Variants in LGR6 observed in about 807,000 individuals in gnomAD.
LGR6 encodes the protein leucine-rich repeat-containing G protein-coupled receptor 6.
In LGR6, 45 loss-of-function variants were observed where a neutral mutation model predicts 69.4. The ratio of observed to expected loss-of-function variants is 0.65; its 90% CI spans 0.51 to 0.83. LGR6 has a LOEUF of 0.83. LGR6 is among the 40% of genes least tolerant of loss of function. The pLI is 0.00. For missense variants in LGR6, 1,108 were observed against 1,246.7 expected, an observed-to-expected ratio of 0.89 and a Z score of 1.68; for synonymous variants, 538 against 555.0, an observed-to-expected ratio of 0.97 and a Z score of 0.43.
intron 1 of LGR6, among the ~76,000 whole-genome samples, chr1:202,197,746 T>C (rs1276753921): frequency 6.6e-6 from 1 of 152,206 alleles, no homozygotes; most frequent in Non-Finnish European, 1.5e-5. Context: ...TCTTGTTCTA[T>C]TCCATTGCAT....
At chr1:202,204,985 C>T (rs1427367499) in intron 1 of LGR6, among the ~76,000 whole-genome samples, 2 of 20,224 alleles carry the variant, frequency 9.9e-5, no homozygotes, top group African/African-American at 1.8e-4. Flanking sequence ...TAACACACCT[C>T]CTTCAAACAC....
rs1273368665 is a variant in LGR6 at position 202,268,702 on chromosome 1, G to A, written c.429-7604G>A. Among the ~76,000 whole-genome samples, 1 of 152,152 alleles carries A rather than the reference G, an allele frequency of 6.6e-6. No homozygotes were observed. Among genetic ancestry groups the A allele is most frequent in the Non-Finnish European group, 1.5e-5 (1 of 68,020 alleles). Reference sequence around the variant, plus strand: ...CAAATGAACTGTCTTTGTCCTCAAGGTATCTCACCTCCCAGCCTCTTTCTT... The same window carrying A: ...CAAATGAACTGTCTTTGTCCTCAAGATATCTCACCTCCCAGCCTCTTTCTT... On this transcript the variant is annotated intron_variant, in intron 4 of 17. Transcript: ENST00000367278. The surrounding 1 kb of genome is among the most constrained non-coding windows in gnomAD (Gnocchi z 4.4).
intron 3 of LGR6, among the ~76,000 whole-genome samples, chr1:202,229,839 T>C (rs1208743203): frequency 6.6e-6 from 1 of 152,196 alleles, no homozygotes; most frequent in Non-Finnish European, 1.5e-5. Flanking sequence ...AGAACTTCTC[T>C]ACCTTAGGGA....
At chr1:202,278,582 G>C (rs1010533902) in intron 5 of LGR6, among the ~76,000 whole-genome samples, 1 of 152,128 alleles carries the variant, frequency 6.6e-6, no homozygotes. Flanking sequence ...TCATGGGATG[G>C]AGGAGAGAGG....
intron 4 of LGR6, among the ~76,000 whole-genome samples, chr1:202,270,215 A>G (rs1344044581): frequency 1.3e-5 from 2 of 151,416 alleles, no homozygotes; most frequent in South Asian, 2.1e-4. Context: ...AGAAGCTCTG[A>G]GTTGTTTTGT....
chr1:202,295,502 C>G (rs1667089178), intron 6 of LGR6, among the ~76,000 whole-genome samples: 2 of 152,086 alleles, frequency 1.3e-5, no homozygotes, highest in African/African-American at 4.8e-5. Flanking sequence ...CAATTTAAGA[C>G]CAAAAAGAGA....
chr1:202,237,313 A>G (rs1445915855), intron 4 of LGR6, among the ~76,000 whole-genome samples: 2 of 152,260 alleles, frequency 1.3e-5, no homozygotes, highest in African/African-American at 4.8e-5. Context: ...ACCAGAGGCC[A>G]GGCAAGCCTG....
rs1002399662 is a variant in LGR6 at position 202,297,686 on chromosome 1, A to G, written c.785+110A>G. On this transcript the variant is annotated intron_variant, in intron 7 of 17. Coordinates refer to ENST00000367278, the MANE Select transcript of LGR6 (RefSeq NM_001017403.2). ...CCTCCTCACCTCCCATGGTCCTTAT[A>G]AAAGATGTAGCTGTCCCCCACCCTC... 14 of 843,392 alleles carry G rather than the reference A, an allele frequency of 1.7e-5. No homozygotes were observed. The African/African-American group carries it at 2.4e-4, about 14-fold the overall frequency. 52.2% of individuals were successfully genotyped at this position (843,392 alleles called of 1,614,324 possible).
At chr1:202,238,683 A>C (rs1571869869) in intron 4 of LGR6, among the ~76,000 whole-genome samples, 1 of 151,902 alleles carries the variant, frequency 6.6e-6, no homozygotes, top group Non-Finnish European at 1.5e-5. Context: ...TCGGCCTCCC[A>C]AAGTGCTGGG....
At chr1:202,310,096 C>G in intron 15 of LGR6, 101 bp from the exon 16 acceptor site, 1 of 1,213,886 alleles carries the variant, frequency 8.2e-7, no homozygotes, top group South Asian at 1.4e-5. Context: ...AGGACAGACA[C>G]TGAGTGCCCA....
intron 9 of LGR6, among the ~76,000 whole-genome samples, chr1:202,301,950 C>T (rs1374682645): frequency 2.6e-5 from 4 of 152,062 alleles, no homozygotes; most frequent in African/African-American, 4.8e-5. Flanking sequence ...ACCCGGGAGG[C>T]GGAGGTTACA....
intron 1 of LGR6, among the ~76,000 whole-genome samples, chr1:202,204,457 A>C: frequency 1.2e-5 from 1 of 81,880 alleles, no homozygotes; most frequent in Non-Finnish European, 2.4e-5. Context: ...CCACACACAC[A>C]CACCTCCACA....
At chr1:202,222,268 G>C (rs1660210087) in intron 1 of LGR6, among the ~76,000 whole-genome samples, 1 of 152,088 alleles carries the variant, frequency 6.6e-6, no homozygotes, top group Non-Finnish European at 1.5e-5. Flanking sequence ...CACCCTCCTT[G>C]CCCCACCCCA....
At chr1:202,295,639 A>C (rs1339748362) in intron 6 of LGR6, among the ~76,000 whole-genome samples, 1 of 152,226 alleles carries the variant, frequency 6.6e-6, no homozygotes, top group African/African-American at 2.4e-5. Context: ...TTCCAACTCC[A>C]GTACCTCTGG....
intron 1 of LGR6, among the ~76,000 whole-genome samples, chr1:202,204,047 G>C (rs1358099073): frequency 6.6e-6 from 1 of 152,072 alleles, no homozygotes; most frequent in Non-Finnish European, 1.5e-5. Context: ...TACTTCATCA[G>C]ATTCAGGGTT....
At chr1:202,264,134 A>G (rs376124125) in intron 4 of LGR6, among the ~76,000 whole-genome samples, 1 of 152,094 alleles carries the variant, frequency 6.6e-6, no homozygotes, top group African/African-American at 2.4e-5. Flanking sequence ...CAGTTCTCAT[A>G]CTGGTCACAG....
At chr1:202,225,675 C>T (rs1660489312) in intron 2 of LGR6, among the ~76,000 whole-genome samples, 181 bp downstream of exon 2, 2 of 152,072 alleles carry the variant, frequency 1.3e-5, no homozygotes, top group African/African-American at 4.8e-5. Flanking sequence ...ACATGCTGGG[C>T]CACATGGCAT....
At chr1:202,237,564 C>T (rs1217273162) in intron 4 of LGR6, among the ~76,000 whole-genome samples, 1 of 152,196 alleles carries the variant, frequency 6.6e-6, no homozygotes, top group Non-Finnish European at 1.5e-5. Flanking sequence ...GTTCTTGGGG[C>T]TTCTAAAGGT....
intron 4 of LGR6, among the ~76,000 whole-genome samples, chr1:202,273,725 G>A (rs941255493): frequency 2.0e-5 from 3 of 152,072 alleles, no homozygotes; most frequent in Non-Finnish European, 4.4e-5. Context: ...CAAAATGCTG[G>A]GATTACAGGC....
Sources: allele counts gnomAD v4.1 joint callset (sites outside exome capture counted in the v4.1 genomes callset), GRCh38; gene constraint gnomAD v4.1.1; non-coding constraint Gnocchi (gnomAD v3.1); transcripts MANE v1.5; gene names NCBI Gene and HGNC (gene_info 2026-07-23, HGNC 2026-07-21).